Variants in GPR162 observed in about 807,000 individuals in gnomAD.
The protein encoded by GPR162 is probable G protein-coupled receptor 162.
In GPR162, 26 loss-of-function variants were observed where a neutral mutation model predicts 44.9. The observed-to-expected ratio is 0.58, with a 90% confidence interval of 0.42 to 0.80. The LOEUF (loss-of-function observed/expected upper bound fraction) is 0.80, where lower values mean the gene tolerates loss of function less well. GPR162 is among the 30% of genes least tolerant of loss of function. The probability of loss-of-function intolerance (pLI) is 0.00; values close to 1 mark genes in which losing one functional copy is unlikely to be tolerated. For missense variants in GPR162, 704 were observed against 802.3 expected, an observed-to-expected ratio of 0.88 and a Z score of 1.48; for synonymous variants, 363 against 335.2, an observed-to-expected ratio of 1.08 and a Z score of -0.91.
At chr12:6,825,822 C>G in intron 3 of GPR162, 149 bp downstream of exon 3, 1 of 678,804 alleles carries the variant, frequency 1.5e-6, no homozygotes, top group Non-Finnish European at 2.5e-6. Context: ...CCTAAGCAGG[C>G]ACCCTGCTGT....
chr12:6,827,119 C>T lies in GPR162; in HGVS notation c.1682C>T (p.Ser561Phe), dbSNP rs782816875. 9 of 1,612,910 alleles carry T rather than the reference C, an allele frequency of 5.6e-6. No homozygotes were observed. The highest frequency in any genetic ancestry group is 5.9e-6 in the Non-Finnish European group (7 of 1,179,716). Residue 561 changes from serine (S) to phenylalanine (F), a missense_variant, in exon 5 of 5, where the codon TCC becomes TTC. By Grantham distance (155) the Ser-to-Phe change is radical. Transcript: ENST00000311268. ...GGACTAAGCGCAGGGAGACGCTGCT[C>T]CCTGACGGGGGGTGAAGAAAGTGCA... is the stretch of plus-strand genomic sequence containing the variant. ...PLGLSAGRRC[S>F]LTGGEESARA...
In GPR162 at chr12:6,826,932, G is replaced by A. The variant is rs782440772; in HGVS notation, c.1495G>A (p.Gly499Ser). 2 of 1,613,384 alleles carry A rather than the reference G, an allele frequency of 1.2e-6. No homozygotes were observed. The highest frequency in any genetic ancestry group is 1.7e-6 in the Non-Finnish European group (2 of 1,179,978). Reference protein sequence around the residue: ...GSGGGPPRGPGFFREEITTFI... With the variant: ...GSGGGPPRGPSFFREEITTFI... ...AGGTGGGGGACCCCCACGGGGTCCTGGCTTCTTCCGGGAGGAGATCACCAC... is the reference window on the plus strand; with the variant it reads ...AGGTGGGGGACCCCCACGGGGTCCTAGCTTCTTCCGGGAGGAGATCACCAC... The change falls in exon 5 of 5, where the codon GGC (glycine) becomes AGC (serine). Residue 499 changes from glycine (G) to serine (S), a missense_variant. Around this residue, in one of 6 missense-constraint regions of GPR162, gnomAD observed 404 missense variants for 314.1 expected, o/e 1.29. Transcript: ENST00000311268.
At chr12:6,826,434 C>A in intron 4 of GPR162, 81 bp downstream of exon 4, 1 of 1,362,664 alleles carries the variant, frequency 7.3e-7, no homozygotes, top group African/African-American at 1.4e-5. Flanking sequence ...CCCCAATCCC[C>A]TCTTCCCTAG....
intron 3 of GPR162, among the ~76,000 whole-genome samples, 169 bp downstream of exon 3, chr12:6,825,842 G>T (rs1363305638): frequency 2.6e-5 from 4 of 152,150 alleles, no homozygotes; most frequent in African/African-American, 9.7e-5. Context: ...TCCACTCACT[G>T]CTTCCCGCAG....
rs1943292605 is a variant in GPR162, at chr12:6,822,286, G to T, written c.-432+386G>T. 6.6e-6 allele frequency among the ~76,000 whole-genome samples: 1 copy of T among 152,166 alleles called. No individual in the cohort carries two copies. The highest frequency in any genetic ancestry group is 2.4e-5 in the African/African-American group (1 of 41,424). On this transcript the variant is annotated intron_variant, in intron 1 of 4. Coordinates refer to ENST00000311268, the MANE Select transcript of GPR162 (RefSeq NM_019858.2). The surrounding 1 kb of genome is among the most constrained non-coding windows in gnomAD (Gnocchi z 4.2). ...CAGGGCTGTAGGAGAGGACACTGGG[G>T]GCTGCTCTTGGCCAAGTCCCTCCAC...
rs782372230 is a variant in GPR162 at position 6,827,148 on chromosome 12, G to C, written c.1711G>C (p.Ala571Pro). 3.2e-5 allele frequency: 52 copies of C among 1,613,014 alleles called. No individual in the cohort carries two copies. Among genetic ancestry groups the C allele is most frequent in the Non-Finnish European group, 3.7e-5 (44 of 1,179,958 alleles). The change falls in exon 5 of 5, where the codon GCT (alanine) becomes CCT (proline). Residue 571 changes from alanine (A) to proline (P), a missense_variant. Physicochemically the swap from Ala to Pro is conservative, Grantham distance 27 (BLOSUM62 -1). This residue lies in a region of GPR162 where 404 missense variants were observed against 314.1 expected (regional missense o/e 1.29). Coordinates refer to ENST00000311268, the MANE Select transcript of GPR162 (RefSeq NM_019858.2). The part of the protein sequence containing the change: ...SLTGGEESAR[A>P]WGGSWGPGNP... ...GACGGGGGGTGAAGAAAGTGCAAGG[G>C]CTTGGGGAGGATCCTGGGGCCCAGG...
chr12:6,825,489 G>A lies in GPR162; in HGVS notation c.873G>A (p.Val291=). ...CCGCTCCCACCCTTCCCCAGGTGGT[G>A]AGCTTCTTCTCCCTCAAGTCGGACT... The part of the protein sequence containing the change: ...DSLTGVPILV[V]SFFSLKSDSA... Residue 291 remains valine, a synonymous_variant, in exon 3 of 5, where the codon GTG becomes GTA. Coordinates refer to ENST00000311268, the MANE Select transcript of GPR162 (RefSeq NM_019858.2). 6.2e-7 allele frequency: 1 copy of A among 1,605,744 alleles called. No homozygotes were observed. Among genetic ancestry groups the A allele is most frequent in the Non-Finnish European group, 8.5e-7 (1 of 1,176,686 alleles).
In GPR162 at chr12:6,826,679, T is replaced by C. The variant is rs782542892; in HGVS notation, c.1242T>C (p.His414=). 25 of 1,529,454 alleles carry C rather than the reference T, an allele frequency of 1.6e-5. No homozygotes were observed. The Admixed American group carries it at 2.8e-4, about 17-fold the overall frequency. 94.7% of individuals were successfully genotyped at this position (1,529,454 alleles called of 1,614,324 possible). Residue 414 remains histidine, a synonymous_variant, in exon 5 of 5, where the codon CAT becomes CAC. Transcript: ENST00000311268. ...LQVPLSRRLS[H]DETNIFSTPR... ...TCCCCCTATCCCGGCGTCTGTCCCA[T>C]GATGAGACAAACATCTTCTCTACCC...
At chr12:6,825,416 T>G in intron 2 of GPR162, 68 bp from the exon 3 acceptor site, 1 of 945,318 alleles carries the variant, frequency 1.1e-6, no homozygotes, top group Non-Finnish European at 1.6e-6. Context: ...CCAGCTGCAC[T>G]AGGATATGGG....
chr12:6,826,806 G>A lies in GPR162; in HGVS notation c.1369G>A (p.Gly457Arg). 2.5e-6 allele frequency: 4 copies of A among 1,610,368 alleles called. No individual in the cohort carries two copies. The highest frequency in any genetic ancestry group is 3.4e-6 in the Non-Finnish European group (4 of 1,178,150). The change falls in exon 5 of 5, where the codon GGA (glycine) becomes AGA (arginine). Residue 457 changes from glycine (G) to arginine (R), a missense_variant. Gly to Arg is a moderately radical substitution (Grantham distance 125). Transcript: ENST00000311268. Reference sequence around the variant, plus strand: ...CCTCGGGGGTCCTCCTGAGTACCTGGGACAAAGACACAGGTTGGAGGACGA... The same window carrying A: ...CCTCGGGGGTCCTCCTGAGTACCTGAGACAAAGACACAGGTTGGAGGACGA... ...RALGGPPEYL[G>R]QRHRLEDEED...
In GPR162 at chr12:6,827,291, C is replaced by T; in HGVS notation, c.*87C>T. On this transcript the variant is annotated 3_prime_UTR_variant, in exon 5 of 5. Transcript: ENST00000311268. ...CGAGAGTAGGGCAGCTGCCTCCAGA[C>T]TCTGGGGAGACGGGCGCTAGATTTG... is the stretch of plus-strand genomic sequence containing the variant. 1.8e-6 allele frequency: 2 copies of T among 1,130,778 alleles called. No homozygotes were observed. Among genetic ancestry groups the T allele is most frequent in the Non-Finnish European group, 2.5e-6 (2 of 806,398 alleles). The allele number at this position is 1,130,778 out of a possible 1,614,324, so 70.0% of individuals were successfully genotyped here.
rs113968102 is a variant in GPR162 at position 6,822,434 on chromosome 12, C to A, written c.-432+534C>A. On this transcript the variant is annotated intron_variant, in intron 1 of 4. Coordinates refer to ENST00000311268, the MANE Select transcript of GPR162 (RefSeq NM_019858.2). The surrounding 1 kb of genome is among the most constrained non-coding windows in gnomAD (Gnocchi z 4.2). ...GGGTCTGAGCTGCTTCCATGGGAAA[C>A]AGACCCTTTCACTGCTGTGCCCCAT... Among the ~76,000 whole-genome samples, 427 of 152,284 alleles carry A rather than the reference C, an allele frequency of 2.8e-3. 1 individual carries two copies. The highest frequency in any genetic ancestry group is 4.6e-3 in the Non-Finnish European group (314 of 68,016).
In GPR162 at chr12:6,824,006, C is replaced by T. The variant is rs1270488028; in HGVS notation, c.108C>T (p.Leu36=). Residue 36 remains leucine, a synonymous_variant, in exon 2 of 5, where the codon CTC becomes CTT. Transcript: ENST00000311268. The part of the protein sequence containing the change: ...LALLANAWII[L]SISAKQQKHK... ...TGCTGGCCAATGCCTGGATCATCCTCAGCATCTCGGCCAAGCAGCAGAAGC... is the reference window on the plus strand; with the variant it reads ...TGCTGGCCAATGCCTGGATCATCCTTAGCATCTCGGCCAAGCAGCAGAAGC... 6.2e-6 allele frequency: 10 copies of T among 1,609,212 alleles called. No homozygotes were observed. Among genetic ancestry groups the T allele is most frequent in the Non-Finnish European group, 8.5e-6 (10 of 1,179,654 alleles).
chr12:6,825,710 T>A, intron 3 of GPR162, 37 bp downstream of exon 3: 1 of 1,510,734 alleles, frequency 6.6e-7, no homozygotes, highest in Non-Finnish European at 9.0e-7. Context: ...TTCCTGGACA[T>A]CTGTCTATTC....
At position 6,826,297 on chromosome 12, in the gene GPR162, C is replaced by A; in HGVS notation, c.1159C>A (p.Leu387Met). 1 of 1,613,866 alleles carries A rather than the reference C, an allele frequency of 6.2e-7. No individual in the cohort carries two copies. Among genetic ancestry groups the A allele is most frequent in the South Asian group, 1.1e-5 (1 of 91,082 alleles). ...GAGCCGGGACCCCGCCCAGGTGAAG[C>A]TGCTGCCTGGAAGGCACATGCTCTT... ...PGSRDPAQVK[L>M]LPGRHMLFPP... The change falls in exon 4 of 5, where the codon CTG becomes ATG. Residue 387 changes from leucine (L) to methionine (M), a missense_variant. By Grantham distance (15) the Leu-to-Met change is conservative (BLOSUM62 2). Around this residue, in one of 6 missense-constraint regions of GPR162, gnomAD observed 404 missense variants for 314.1 expected, o/e 1.29. Transcript: ENST00000311268.
intron 4 of GPR162, 110 bp downstream of exon 4, chr12:6,826,463 C>T (rs1279821495): frequency 3.3e-6 from 4 of 1,203,882 alleles, no homozygotes; most frequent in Non-Finnish European, 4.6e-6. Flanking sequence ...TTCAGGGCAC[C>T]ATAGAGCTGG....
Position 6,826,902 on chromosome 12 carries a change from G to C in GPR162, c.1465G>C (p.Gly489Arg), listed in dbSNP as rs368008300. 6.2e-7 allele frequency: 1 copy of C among 1,613,412 alleles called. No homozygotes were observed. The highest frequency in any genetic ancestry group is 8.5e-7 in the Non-Finnish European group (1 of 1,180,004). Residue 489 changes from glycine to arginine, a missense_variant, in exon 5 of 5, where the codon GGG (glycine) becomes CGG (arginine). Gly to Arg is a moderately radical substitution (Grantham distance 125). Coordinates refer to ENST00000311268, the MANE Select transcript of GPR162 (RefSeq NM_019858.2). Reference sequence around the variant, plus strand: ...CCAATTCTTGGAGAGTGGGGTTCTGGGGTCAGGTGGGGGACCCCCACGGGG... The same window carrying C: ...CCAATTCTTGGAGAGTGGGGTTCTGCGGTCAGGTGGGGGACCCCCACGGGG... ...LRQFLESGVL[G>R]SGGGPPRGPG...
In GPR162 at chr12:6,822,331, GC is replaced by G. The variant is rs1225739778; in HGVS notation, c.-432+433del. 2.6e-5 allele frequency among the ~76,000 whole-genome samples: 4 copies of G among 152,186 alleles called. No homozygotes were observed. Among genetic ancestry groups the G allele is most frequent in the Non-Finnish European group, 5.9e-5 (4 of 68,038 alleles). On this transcript the variant is annotated intron_variant, in intron 1 of 4. Transcript: ENST00000311268. The surrounding 1 kb of genome is among the most constrained non-coding windows in gnomAD (Gnocchi z 4.2). ...CTCCACCTCCCTCTGGCTGGCCATT[GC>G]CATGGCAACTAGGGTGTACTGGGCT...
At position 6,827,052 on chromosome 12, in the gene GPR162, T is replaced by G; in HGVS notation, c.1615T>G (p.Ser539Ala). Residue 539 changes from serine (S) to alanine (A), a missense_variant, in exon 5 of 5, where the codon TCC (serine) becomes GCC (alanine). Transcript: ENST00000311268. The stretch of plus-strand genomic sequence containing the variant: ...ACTGGGCCTCTCACCCCGCCGACTC[T>G]CCCTTGGGTCCCCTGAGAGCAGAGC... ...RPLGLSPRRL[S>A]LGSPESRAVG... 1 of 1,613,382 alleles carries G rather than the reference T, an allele frequency of 6.2e-7. No individual in the cohort carries two copies. The highest frequency in any genetic ancestry group is 8.5e-7 in the Non-Finnish European group (1 of 1,180,016).
Sources: gnomAD v4.1 joint callset for allele counts (sites outside exome capture counted in the v4.1 genomes callset) on GRCh38, gnomAD v4.1.1 for gene constraint, gnomAD v4.1.1 regional missense constraint, Gnocchi (gnomAD v3.1) non-coding constraint, MANE v1.5 for transcripts, NCBI Gene and HGNC (gene_info 2026-07-23, HGNC 2026-07-21) for gene names.